The following MRTFB variants were observed in gnomAD, a reference collection of about 807,000 sequenced individuals.
The protein encoded by MRTFB is myocardin-related transcription factor B.
A neutral mutation model predicts 104.2 loss-of-function variants in MRTFB; 29 were observed. The ratio of observed to expected loss-of-function variants is 0.28; its 90% confidence interval spans 0.21 to 0.38. The LOEUF is 0.38. Ranked by LOEUF, MRTFB falls within the 10% of genes least tolerant of loss-of-function variation. The pLI, the probability that MRTFB is intolerant of heterozygous loss-of-function variation, is 1.00. For missense variants in MRTFB, 1,270 were observed against 1,341.6 expected (o/e 0.95, Z 0.83); for synonymous variants, 535 against 519.5 (o/e 1.03, Z -0.41).
intron 2 of MRTFB, among the ~76,000 whole-genome samples, chr16:14,137,140 G>T (rs1407175209): frequency 6.6e-6 from 1 of 152,158 alleles, no homozygotes; most frequent in South Asian, 2.1e-4. Flanking sequence ...GTGTGATATT[G>T]GATCTTATTT....
intron 3 of MRTFB, chr16:14,141,680 C>A (rs1301672391): frequency 6.6e-6 from 1 of 152,074 alleles, no homozygotes; most frequent in Non-Finnish European, 1.5e-5. Context: ...ATTAGACTTA[C>A]CTTATTTAGG....
chr16:14,174,167 T>A (rs2039508205), intron 3 of MRTFB, among the ~76,000 whole-genome samples: 1 of 152,188 alleles, frequency 6.6e-6, no homozygotes, highest in Non-Finnish European at 1.5e-5. Flanking sequence ...ATCAATAAGA[T>A]CTCTTTATTG....
At chr16:14,252,547 G>A (rs1235813674) in intron 15 of MRTFB, 45 bp downstream of exon 15, 1 of 1,609,512 alleles carries the variant, frequency 6.2e-7, no homozygotes, top group African/African-American at 1.3e-5. Flanking sequence ...TGGTGGATGT[G>A]CCCACGTTCA....
intron 2 of MRTFB, among the ~76,000 whole-genome samples, chr16:14,132,514 A>G (rs1330475222): frequency 2.6e-5 from 4 of 152,196 alleles, no homozygotes; most frequent in Non-Finnish European, 2.9e-5. Flanking sequence ...ACTACCTGCT[A>G]AAGTGCTTTT....
chr16:14,013,627 G>A, the MRTFB span, among the ~76,000 whole-genome samples: 2 of 152,232 alleles, frequency 1.3e-5, no homozygotes, highest in Admixed American at 1.3e-4. Flanking sequence ...AACATGTGTT[G>A]TAATCTTGCC....
the MRTFB span, among the ~76,000 whole-genome samples, chr16:14,006,615 G>A: frequency 2.0e-5 from 3 of 151,814 alleles, no homozygotes; most frequent in Non-Finnish European, 2.9e-5. Context: ...GTCTTTCTGC[G>A]TTCGCTGCCC....
chr16:14,220,955 C>T (rs2041670313), intron 8 of MRTFB, among the ~76,000 whole-genome samples: 1 of 152,100 alleles, frequency 6.6e-6, no homozygotes, highest in African/African-American at 2.4e-5. Context: ...TCATGAAACC[C>T]CCTTGTATTA....
At chr16:14,225,548 G>C (rs779063798) in intron 8 of MRTFB, among the ~76,000 whole-genome samples, 16 of 152,168 alleles carry the variant, frequency 1.1e-4, no homozygotes, top group Non-Finnish European at 5.9e-5. Flanking sequence ...AAGCTCAGAG[G>C]CCAAAGAAAG....
At position 14,218,806 on chromosome 16, in the gene MRTFB, A is replaced by C; in HGVS notation, c.515-14A>C. The C allele has an allele frequency of 2.5e-6, 4 of 1,574,902 alleles. No homozygotes were observed. The highest frequency in any genetic ancestry group is 3.5e-6 in the Non-Finnish European group (4 of 1,154,512). ...GCCAACATAAGTCAAGTCAAAAATC[A>C]TTTCTTTCTTTAGGCGTTGGGAAGG... On this transcript the variant is annotated splice_polypyrimidine_tract_variant and intron_variant, in intron 7 of 16. Transcript: ENST00000571589.
intron 3 of MRTFB, chr16:14,186,733 C>A: frequency 6.9e-7 from 1 of 1,440,924 alleles, no homozygotes. Flanking sequence ...GCAGGTCAAG[C>A]TGGGAACTAA....
intron 2 of MRTFB, among the ~76,000 whole-genome samples, chr16:14,131,541 T>C (rs2037439685): frequency 6.6e-6 from 1 of 152,114 alleles, no homozygotes; most frequent in African/African-American, 2.4e-5. Context: ...GGAGAAAATA[T>C]TTGCAAATCT....
intron 3 of MRTFB, among the ~76,000 whole-genome samples, chr16:14,203,804 GA>G (rs908323645): frequency 0.21 from 9,708 of 46,630 alleles, 324 homozygotes; most frequent in African/African-American, 0.31. Context: ...ACTCTGTCTC[GA>G]AAAAAAAAAA....
chr16:14,112,530 G>A (rs1346925721), intron 2 of MRTFB, among the ~76,000 whole-genome samples: 1 of 152,242 alleles, frequency 6.6e-6, no homozygotes, highest in Non-Finnish European at 1.5e-5. Context: ...TAAAAGGGCT[G>A]CAAAGGAAGC....
the MRTFB span, among the ~76,000 whole-genome samples, chr16:13,998,841 C>T: frequency 7.9e-6 from 1 of 127,242 alleles, no homozygotes; most frequent in Non-Finnish European, 1.6e-5. Context: ...CACTGCACTC[C>T]AGCCTGAGTG....
intron 2 of MRTFB, among the ~76,000 whole-genome samples, chr16:14,099,150 G>A (rs1203194312): frequency 2.6e-5 from 4 of 152,154 alleles, no homozygotes. Context: ...TTGATAGTCA[G>A]TTTGGAGAGA....
chr16:14,047,496 T>C, the MRTFB span, among the ~76,000 whole-genome samples: 1 of 152,206 alleles, frequency 6.6e-6, no homozygotes, highest in Non-Finnish European at 1.5e-5. Flanking sequence ...ATTAGTCCGT[T>C]CTTACGCTGC....
intron 12 of MRTFB, chr16:14,248,612 C>T (rs1026985472): frequency 3.3e-5 from 7 of 213,296 alleles, no homozygotes; most frequent in African/African-American, 1.6e-4. Context: ...TCAAGTATTA[C>T]AGTACCTGAG....
At chr16:14,076,192 ACTT>A (rs2034039251) in intron 1 of MRTFB, among the ~76,000 whole-genome samples, 1 of 151,510 alleles carries the variant, frequency 6.6e-6, no homozygotes, top group Non-Finnish European at 1.5e-5. Context: ...ATTTTTCTAC[ACTT>A]CTTTTCTTTT....
chr16:14,003,264 G>A, the MRTFB span, among the ~76,000 whole-genome samples: 1 of 152,106 alleles, frequency 6.6e-6, no homozygotes, highest in Non-Finnish European at 1.5e-5. Context: ...CGAGTTTTTT[G>A]TTTCTTTCTT....
Sources: gnomAD v4.1 joint callset for allele counts (sites outside exome capture counted in the v4.1 genomes callset) on GRCh38, gnomAD v4.1.1 for gene constraint, MANE v1.5 for transcripts, NCBI Gene and HGNC (gene_info 2026-07-23, HGNC 2026-07-21) for gene names.